Variants in PDE4D observed in about 807,000 individuals in gnomAD.
PDE4D encodes 3',5'-cyclic-AMP phosphodiesterase 4D.
A neutral mutation model predicts 87.4 loss-of-function variants in PDE4D; 24 were observed. That is an observed-to-expected ratio of 0.27 (90% CI 0.20 to 0.39). The LOEUF is 0.39. Ranked by LOEUF, PDE4D falls within the 10% of genes least tolerant of loss-of-function variation. The pLI is 1.00. For synonymous variants in PDE4D, 384 were observed against 383.2 expected, an observed-to-expected ratio of 1.00 and a Z score of -0.02; for missense variants, 714 against 1,041.0, an observed-to-expected ratio of 0.69 and a Z score of 4.32.
chr5:59,055,082 T>C (rs1052249706), intron 5 of PDE4D, among the ~76,000 whole-genome samples: 10 of 152,164 alleles, frequency 6.6e-5, no homozygotes, highest in African/African-American at 2.4e-4. Context: ...GAAATGCCTA[T>C]AGGAGACAGA....
chr5:60,008,428 C>A (rs1490136315), intron 2 of PDE4D, among the ~76,000 whole-genome samples: 1 of 151,984 alleles, frequency 6.6e-6, no homozygotes, highest in African/African-American at 2.4e-5. Flanking sequence ...TTTCTAAAAA[C>A]CCCATATGGG....
intron 1 of PDE4D, among the ~76,000 whole-genome samples, chr5:59,692,409 C>T (rs1190407881): frequency 2.6e-5 from 4 of 152,228 alleles, no homozygotes; most frequent in Middle Eastern, 3.4e-3. Context: ...GGCTGGTTTT[C>T]CCAGAACCAG....
intron 1 of PDE4D, among the ~76,000 whole-genome samples, chr5:59,717,349 G>A (rs1755181301): frequency 6.6e-6 from 1 of 152,136 alleles, no homozygotes; most frequent in Admixed American, 6.5e-5. Context: ...CATAACTTCA[G>A]AGAAAAGCTA....
chr5:59,297,091 A>G (rs1769247472), intron 1 of PDE4D, among the ~76,000 whole-genome samples: 1 of 152,180 alleles, frequency 6.6e-6, no homozygotes, highest in African/African-American at 2.4e-5. Context: ...TGAGATTGAA[A>G]TAGGAGGGAT....
At chr5:59,332,479 T>C (rs1776912022) in intron 1 of PDE4D, among the ~76,000 whole-genome samples, 1 of 152,160 alleles carries the variant, frequency 6.6e-6, no homozygotes, top group South Asian at 2.1e-4. Context: ...TCCACTCTAA[T>C]TCACCCTTTC....
chr5:59,088,252 CTCTCTT>C (rs1160894394), intron 5 of PDE4D, among the ~76,000 whole-genome samples: 1 of 152,170 alleles, frequency 6.6e-6, no homozygotes, highest in South Asian at 2.1e-4. Flanking sequence ...CCATCCTTCT[CTCTCTT>C]TCTCTTTCTC....
intron 1 of PDE4D, among the ~76,000 whole-genome samples, chr5:59,402,563 C>T (rs1790854992): frequency 6.6e-6 from 1 of 152,118 alleles, no homozygotes; most frequent in African/African-American, 2.4e-5. Flanking sequence ...ATGGGGTATT[C>T]CATTCAAATG....
intron 1 of PDE4D, among the ~76,000 whole-genome samples, chr5:60,248,691 T>C (rs976474686): frequency 6.6e-6 from 1 of 152,076 alleles, no homozygotes; most frequent in Admixed American, 6.6e-5. Context: ...TATCAATTTC[T>C]TATTCCCAAA....
chr5:59,511,512 C>T (rs1423006991), intron 1 of PDE4D, among the ~76,000 whole-genome samples: 1 of 151,866 alleles, frequency 6.6e-6, no homozygotes, highest in Non-Finnish European at 1.5e-5. Flanking sequence ...ACTAATAAAT[C>T]TTTTAAATAT....
chr5:59,767,059 A>T (rs1338579772), intron 1 of PDE4D, among the ~76,000 whole-genome samples: 1 of 152,110 alleles, frequency 6.6e-6, no homozygotes, highest in Non-Finnish European at 1.5e-5. Flanking sequence ...CATCTATAAC[A>T]TCAATGCATT....
intron 1 of PDE4D, among the ~76,000 whole-genome samples, chr5:59,856,828 GC>G (rs1395763282): frequency 6.6e-6 from 1 of 152,046 alleles, no homozygotes; most frequent in African/African-American, 2.4e-5. Flanking sequence ...TTACATGAAA[GC>G]TAAAATGTTA....
At chr5:59,446,353 GA>G (rs963022567) in intron 1 of PDE4D, among the ~76,000 whole-genome samples, 7 of 152,016 alleles carry the variant, frequency 4.6e-5, no homozygotes, top group African/African-American at 7.2e-5. Context: ...TTATTTCAAT[GA>G]AAAAAATATA....
intron 1 of PDE4D, among the ~76,000 whole-genome samples, chr5:59,241,715 G>A (rs951679900): frequency 4.6e-4 from 70 of 152,224 alleles, no homozygotes; most frequent in African/African-American, 1.7e-3. Context: ...GAAATAAGTA[G>A]GCATTTAAGA....
chr5:59,461,981 C>T (rs1800849647), intron 1 of PDE4D, among the ~76,000 whole-genome samples: 1 of 152,088 alleles, frequency 6.6e-6, no homozygotes, highest in African/African-American at 2.4e-5. Context: ...AGATACTGGC[C>T]TATGTGACTG....
chr5:59,985,925 C>A (rs113597010), intron 3 of PDE4D, among the ~76,000 whole-genome samples: 3,365 of 152,314 alleles, frequency 0.022, 68 homozygotes, highest in South Asian at 0.032. Flanking sequence ...GGAACCTGTG[C>A]AGTTCAAACC....
intron 1 of PDE4D, among the ~76,000 whole-genome samples, chr5:60,346,748 C>T (rs1758779687): frequency 6.6e-6 from 1 of 152,136 alleles, no homozygotes; most frequent in African/African-American, 2.4e-5. Flanking sequence ...AGGGGATAAA[C>T]ACTCCTATTT....
intron 1 of PDE4D, among the ~76,000 whole-genome samples, chr5:60,346,560 G>A (rs1435990569): frequency 2.0e-5 from 3 of 152,090 alleles, no homozygotes; most frequent in Non-Finnish European, 2.9e-5. Context: ...ATTCATGGTT[G>A]TGCCCAATCT....
chr5:60,223,603 G>C (rs1023688008), intron 1 of PDE4D, among the ~76,000 whole-genome samples: 1 of 152,022 alleles, frequency 6.6e-6, no homozygotes, highest in Non-Finnish European at 1.5e-5. Context: ...GTACATACTG[G>C]AGCAGACACA....
chr5:59,522,822 G>T (rs1212620067), intron 1 of PDE4D, among the ~76,000 whole-genome samples: 1 of 152,132 alleles, frequency 6.6e-6, no homozygotes, highest in Non-Finnish European at 1.5e-5. Context: ...ACTTGAGTTA[G>T]AATTATCCTT....
Sources: gnomAD v4.1 joint callset for allele counts (sites outside exome capture counted in the v4.1 genomes callset) on GRCh38, gnomAD v4.1.1 for gene constraint, MANE v1.5 for transcripts, NCBI Gene and HGNC (gene_info 2026-07-23, HGNC 2026-07-21) for gene names.